The following LOC400499 variants were observed in gnomAD, a reference collection of about 807,000 sequenced individuals.
chr16:11,441,162 C>A, the LOC400499 span: 2 of 398,104 alleles, frequency 5.0e-6, no homozygotes, highest in South Asian at 1.4e-4. Flanking sequence ...ATCCAGTGGT[C>A]AGAAGAAAGT....
At chr16:11,458,354 A>C in the LOC400499 span, among the ~76,000 whole-genome samples, 1 of 151,932 alleles carries the variant, frequency 6.6e-6, no homozygotes, top group Admixed American at 6.6e-5. Flanking sequence ...TCAAAAAAAA[A>C]ATTAGCCGTG....
chr16:11,404,141 G>T, the LOC400499 span, among the ~76,000 whole-genome samples: 1 of 152,130 alleles, frequency 6.6e-6, no homozygotes, highest in Non-Finnish European at 1.5e-5. Flanking sequence ...GGCCTTCCCA[G>T]ACCACCCCAC....
At chr16:11,494,532 TG>T in the LOC400499 span, 57 of 156,516 alleles carry the variant, frequency 3.6e-4, no homozygotes, top group Non-Finnish European at 6.1e-4. Flanking sequence ...TCGGCCCCAC[TG>T]GGGGCACTGA....
the LOC400499 span, among the ~76,000 whole-genome samples, chr16:11,436,208 G>A: frequency 2.6e-5 from 4 of 152,278 alleles, no homozygotes; most frequent in African/African-American, 7.2e-5. Context: ...TCTAAAACTC[G>A]TGCTGGTGCC....
At chr16:11,496,888 A>ATGTGTGTGTG in the LOC400499 span, among the ~76,000 whole-genome samples, 5 of 144,384 alleles carry the variant, frequency 3.5e-5, no homozygotes, top group East Asian at 6.4e-4. Flanking sequence ...GTATGCCTCA[A>ATGTGTGTGTG]TGTGTGTGTG....
the LOC400499 span, chr16:11,491,945 C>T: frequency 5.1e-6 from 2 of 395,898 alleles, no homozygotes. Context: ...TGCCTAGCCC[C>T]AGCTGTCCTG....
At chr16:11,382,694 C>T in the LOC400499 span, among the ~76,000 whole-genome samples, 1 of 152,186 alleles carries the variant, frequency 6.6e-6, no homozygotes, top group Non-Finnish European at 1.5e-5. Context: ...CCTGTCATTT[C>T]AGCACTTTGG....
the LOC400499 span, among the ~76,000 whole-genome samples, chr16:11,433,270 G>C: frequency 6.6e-6 from 1 of 152,190 alleles, no homozygotes; most frequent in South Asian, 2.1e-4. Context: ...TCAGACTGGG[G>C]ATAAGGATGG....
chr16:11,499,774 G>C, the LOC400499 span, among the ~76,000 whole-genome samples: 1,188 of 152,246 alleles, frequency 7.8e-3, 20 homozygotes, highest in African/African-American at 0.027. Context: ...GATGCCATCT[G>C]ACTTGGCACT....
chr16:11,486,773 TAATG>T, the LOC400499 span, among the ~76,000 whole-genome samples: 1 of 24,088 alleles, frequency 4.2e-5, no homozygotes, highest in Non-Finnish European at 6.5e-5. Flanking sequence ...GATGAATGGA[TAATG>T]GGTGGGTGGG....
At chr16:11,391,609 G>A in the LOC400499 span, 2 of 1,214,906 alleles carry the variant, frequency 1.6e-6, no homozygotes, top group Admixed American at 4.2e-5. Flanking sequence ...GGGCCCCGGT[G>A]GAGAGGGGGG....
chr16:11,457,267 T>C, the LOC400499 span: 1 of 515,634 alleles, frequency 1.9e-6, no homozygotes, highest in Admixed American at 3.7e-5. Context: ...ATAGTGCAGC[T>C]ACTGTGGAAA....
the LOC400499 span, among the ~76,000 whole-genome samples, chr16:11,388,286 C>A: frequency 5.9e-5 from 9 of 152,256 alleles, no homozygotes; most frequent in South Asian, 1.0e-3. Context: ...AGCCAAACCC[C>A]GCCCTGGGAG....
the LOC400499 span, chr16:11,476,672 T>A: frequency 2.5e-6 from 1 of 398,202 alleles, no homozygotes; most frequent in South Asian, 1.3e-4. Flanking sequence ...GATCACACAC[T>A]CACATGCATG....
the LOC400499 span, chr16:11,387,366 T>C: frequency 1.7e-6 from 2 of 1,169,130 alleles, no homozygotes; most frequent in Non-Finnish European, 2.1e-6. Context: ...AGAGGGGAGC[T>C]TCTAGGTCTG....
chr16:11,378,266 T>TTTG, the LOC400499 span, among the ~76,000 whole-genome samples: 1 of 100,804 alleles, frequency 9.9e-6, no homozygotes, highest in Non-Finnish European at 2.3e-5. Context: ...TTTTTTTTTT[T>TTTG]GCCGGGGGGA....
the LOC400499 span, chr16:11,457,040 C>G: frequency 6.6e-7 from 1 of 1,516,518 alleles, no homozygotes; most frequent in Non-Finnish European, 8.8e-7. Flanking sequence ...GCAGCACAAA[C>G]TGGAGAATGC....
chr16:11,483,623 T>C, the LOC400499 span, among the ~76,000 whole-genome samples: 1 of 151,528 alleles, frequency 6.6e-6, no homozygotes, highest in Non-Finnish European at 1.5e-5. Context: ...CCCAGCACTT[T>C]GAGAGGCCAA....
chr16:11,484,845 G>C, the LOC400499 span: 8 of 398,904 alleles, frequency 2.0e-5, no homozygotes, highest in South Asian at 2.6e-4. Flanking sequence ...GGGCCTGCCT[G>C]GGGGAGTACA....
Sources: allele counts gnomAD v4.1 joint callset (sites outside exome capture counted in the v4.1 genomes callset), GRCh38; gene constraint gnomAD v4.1.1; transcripts MANE v1.5.